Variants in ANKRD11 observed in about 807,000 individuals in gnomAD.
ANKRD11 encodes ankyrin repeat domain-containing protein 11.
ANKRD11 carries 17 observed loss-of-function variants against 195.7 expected under a neutral mutation model. The ratio of observed to expected loss-of-function variants is 0.09; its 90% CI spans 0.06 to 0.13. The LOEUF is 0.13. Among genes scored for constraint, ANKRD11 ranks in the 10% least tolerant of loss-of-function variants. The probability of loss-of-function intolerance (pLI) is 1.00; values close to 1 mark genes in which losing one functional copy is unlikely to be tolerated. For missense variants in ANKRD11, 3,735 were observed against 3,566.1 expected, an observed-to-expected ratio of 1.05 and a Z score of -1.21; for synonymous variants, 1,953 against 1,528.1, an observed-to-expected ratio of 1.28 and a Z score of -6.49.
chr16:89,278,189 G>T (rs1335639871), intron 9 of ANKRD11: 1 of 308,260 alleles, frequency 3.2e-6, no homozygotes, highest in South Asian at 2.7e-5. Flanking sequence ...GGACCCTGGG[G>T]GGCCTGAGAA....
chr16:89,461,335 A>G lies in ANKRD11; in HGVS notation c.-145+28910T>C, dbSNP rs1339573283. On this transcript the variant is annotated intron_variant, in intron 1 of 12. Transcript: ENST00000301030. ...TAGCCGGTGTCGTCTGGGAAGACCA[A>G]GTTCTGGAGAGGGATGGTGGTGATG... is the stretch of plus-strand genomic sequence containing the variant. Among the ~76,000 whole-genome samples the G allele has an allele frequency of 2.6e-5, 4 of 152,140 alleles. No homozygotes were observed. The East Asian group carries it at 5.8e-4, about 22-fold the overall frequency.
At chr16:89,334,384 A>C (rs2038239426) in intron 2 of ANKRD11, among the ~76,000 whole-genome samples, 1 of 152,014 alleles carries the variant, frequency 6.6e-6, no homozygotes, top group African/African-American at 2.4e-5. Context: ...ACCTCCTCTC[A>C]GGTTCTGAGT....
rs2034578084 is a variant in ANKRD11 at position 89,285,366 on chromosome 16, A to G, written c.1176T>C (p.Thr392=). 6.2e-7 allele frequency: 1 copy of G among 1,613,858 alleles called. No homozygotes were observed. Among genetic ancestry groups the G allele is most frequent in the Non-Finnish European group, 8.5e-7 (1 of 1,180,020 alleles). ...SIPKMEVKSY[T]KNNTIAPKKA... ...TCTTTGGTGCAATCGTGTTATTTTT[A>G]GTGTAACTTTTAACCTCCATTTTGG... is the stretch of plus-strand genomic sequence containing the variant. The change falls in exon 9 of 13, where the codon ACT becomes ACC. Residue 392 remains threonine, a synonymous_variant. Transcript: ENST00000301030. The surrounding 1 kb of genome is among the most constrained non-coding windows in gnomAD (Gnocchi z 5.6).
Position 89,350,649 on chromosome 16 carries a change from T to C in ANKRD11, c.-59-33571A>G, listed in dbSNP as rs568283703. On this transcript the variant is annotated intron_variant, in intron 2 of 12. Transcript: ENST00000301030. ...CCTGGGTCCAGGAAATAGGATGACA[T>C]GCTGCTGCAAAGAGGAAAGGGGGAA... Among the ~76,000 whole-genome samples, 5 of 152,320 alleles carry C rather than the reference T, an allele frequency of 3.3e-5. No individual in the cohort carries two copies. The East Asian group carries it at 5.8e-4, about 18-fold the overall frequency.
At chr16:89,375,319 T>C (rs967276102) in intron 2 of ANKRD11, among the ~76,000 whole-genome samples, 3 of 152,206 alleles carry the variant, frequency 2.0e-5, no homozygotes, top group African/African-American at 7.2e-5. Context: ...CTAGTTGCGG[T>C]AGCATGGGCC....
chr16:89,278,931 C>A, intron 9 of ANKRD11, 141 bp downstream of exon 9: 1 of 1,343,912 alleles, frequency 7.4e-7, no homozygotes, highest in Non-Finnish European at 1.0e-6. Context: ...AGAAGTGGGG[C>A]TGTGTCTCCT....
intron 1 of ANKRD11, among the ~76,000 whole-genome samples, chr16:89,449,664 A>C (rs1322295210): frequency 6.6e-6 from 1 of 152,034 alleles, no homozygotes; most frequent in African/African-American, 2.4e-5. Context: ...GTGGTGGTAC[A>C]TGCCTGTAAT....
In ANKRD11 at chr16:89,322,753, G is replaced by A. The variant is rs546649161; in HGVS notation, c.-59-5675C>T. ...GGCACCAGGGGCTTGCTCCCACGTC[G>A]GCCCTGGGCACAGCCCCGCATGGTG... On this transcript the variant is annotated intron_variant, in intron 2 of 12. Coordinates refer to ENST00000301030, the MANE Select transcript of ANKRD11 (RefSeq NM_013275.6). Among the ~76,000 whole-genome samples, 6 of 152,380 alleles carry A rather than the reference G, an allele frequency of 3.9e-5. No individual in the cohort carries two copies. The East Asian group carries it at 5.8e-4, about 15-fold the overall frequency.
Position 89,270,829 on chromosome 16 carries a change from A to G in ANKRD11, c.7794T>C (p.Tyr2598=). Residue 2598 remains tyrosine (Y), a synonymous_variant, in exon 12 of 13, where the codon TAT becomes TAC. Coordinates refer to ENST00000301030, the MANE Select transcript of ANKRD11 (RefSeq NM_013275.6). The part of the protein sequence containing the change: ...ISWLQDVDDK[Y]DRMKTCLLMR... The stretch of plus-strand genomic sequence containing the variant: ...GCGCAACACCGACCTTCATGCGGTC[A>G]TACTTGTCATCCACGTCCTGGAGCC... The G allele has an allele frequency of 6.2e-7, 1 of 1,613,940 alleles. No individual in the cohort carries two copies. The highest frequency in any genetic ancestry group is 8.5e-7 in the Non-Finnish European group (1 of 1,179,976).
intron 2 of ANKRD11, among the ~76,000 whole-genome samples, chr16:89,369,614 AG>A (rs773182137): frequency 1.5e-3 from 225 of 152,262 alleles, no homozygotes; most frequent in Non-Finnish European, 2.6e-3. Flanking sequence ...CTGGAAAGGG[AG>A]GGGGTGCGGT....
chr16:89,306,567 C>T (rs1169208896), intron 3 of ANKRD11, among the ~76,000 whole-genome samples: 1 of 116,336 alleles, frequency 8.6e-6, no homozygotes, highest in African/African-American at 3.4e-5. Context: ...TCCGCAGACA[C>T]GCGCCACCTC....
chr16:89,439,193 G>C (rs1375654696), intron 1 of ANKRD11, among the ~76,000 whole-genome samples: 1 of 152,094 alleles, frequency 6.6e-6, no homozygotes, highest in Non-Finnish European at 1.5e-5. Flanking sequence ...AGCACTGAAG[G>C]TTCAAGGAAG....
intron 2 of ANKRD11, among the ~76,000 whole-genome samples, chr16:89,383,262 G>C (rs1049888805): frequency 6.6e-6 from 1 of 152,168 alleles, no homozygotes; most frequent in South Asian, 2.1e-4. Context: ...CAAGATAACC[G>C]GCTCTGCCAG....
chr16:89,449,747 T>C (rs4785669), intron 1 of ANKRD11, among the ~76,000 whole-genome samples: 102,535 of 151,870 alleles, frequency 0.68, 35,004 homozygotes, highest in Middle Eastern at 0.87. Context: ...GAGCCGAGAT[T>C]GTGTCACTGC....
Position 89,280,099 on chromosome 16 carries a change from G to A in ANKRD11, c.6443C>T (p.Ala2148Val), listed in dbSNP as rs768676589. 2.0e-5 allele frequency: 33 copies of A among 1,612,986 alleles called. No homozygotes were observed. The highest frequency in any genetic ancestry group is 2.5e-5 in the Non-Finnish European group (30 of 1,179,906). Residue 2148 changes from alanine to valine, a missense_variant, in exon 9 of 13, where the codon GCC becomes GTC. Transcript: ENST00000301030. Reference protein sequence around the residue: ...LPELPLQTKDAADGEAEPVEE... With the variant: ...LPELPLQTKDVADGEAEPVEE... The stretch of plus-strand genomic sequence containing the variant: ...CACGGGTTCCGCTTCACCATCTGCG[G>A]CATCTTTAGTCTGCAGGGGAAGCTC...
At chr16:89,278,162 A>T in intron 9 of ANKRD11, 1 of 286,964 alleles carries the variant, frequency 3.5e-6, no homozygotes, top group South Asian at 3.2e-5. Flanking sequence ...CCAGAACGCC[A>T]CACGCTGGGG....
chr16:89,350,183 A>G (rs192884323), intron 2 of ANKRD11, among the ~76,000 whole-genome samples: 6 of 152,366 alleles, frequency 3.9e-5, no homozygotes, highest in Non-Finnish European at 8.8e-5. Context: ...GGACTACACC[A>G]TGTAACGGCA....
At chr16:89,461,200 G>C (rs1266329826) in intron 1 of ANKRD11, among the ~76,000 whole-genome samples, 1 of 131,878 alleles carries the variant, frequency 7.6e-6, no homozygotes, top group Non-Finnish European at 1.6e-5. Flanking sequence ...CCCCCTTATA[G>C]GAGAGGTGCC....
In ANKRD11 at chr16:89,280,472, G is replaced by A. The variant is rs1272359896; in HGVS notation, c.6070C>T (p.Pro2024Ser). Residue 2024 changes from proline to serine, a missense_variant, in exon 9 of 13, where the codon CCG becomes TCG. Coordinates refer to ENST00000301030, the MANE Select transcript of ANKRD11 (RefSeq NM_013275.6). ...PYPAPPASPAPYALPVAEPGL... is the reference protein window; with the variant it reads ...PYPAPPASPASYALPVAEPGL... Reference sequence around the variant, plus strand: ...GGCTCAGCGACGGGCAGAGCGTACGGGGCAGGAGAGGCGGGAGGGGCGGGG... The same window carrying A: ...GGCTCAGCGACGGGCAGAGCGTACGAGGCAGGAGAGGCGGGAGGGGCGGGG... The A allele has an allele frequency of 1.2e-6, 2 of 1,604,508 alleles. No homozygotes were observed. The highest frequency in any genetic ancestry group is 1.3e-5 in the African/African-American group (1 of 74,716).
Sources: allele counts gnomAD v4.1 joint callset (sites outside exome capture counted in the v4.1 genomes callset), GRCh38; gene constraint gnomAD v4.1.1; non-coding constraint Gnocchi (gnomAD v3.1); transcripts MANE v1.5; gene names NCBI Gene and HGNC (gene_info 2026-07-23, HGNC 2026-07-21).